Variants in GAB2 observed in about 807,000 individuals in gnomAD.
The protein encoded by GAB2 is GRB2 associated binding protein 2.
In GAB2, 26 loss-of-function variants were observed where a neutral mutation model predicts 65.5. The ratio of observed to expected loss-of-function variants is 0.40; its 90% CI spans 0.29 to 0.55. The LOEUF is 0.55. Ranked by LOEUF, GAB2 falls within the 20% of genes least tolerant of loss-of-function variation. GAB2 has a pLI of 0.53. For missense variants in GAB2, 884 were observed against 875.8 expected (o/e 1.01, Z -0.12); for synonymous variants, 321 against 329.6 (o/e 0.97, Z 0.28).
At chr11:78,246,061 C>T (rs1053141444) in intron 3 of GAB2, among the ~76,000 whole-genome samples, 4 of 151,608 alleles carry the variant, frequency 2.6e-5, no homozygotes, top group Non-Finnish European at 5.9e-5. Context: ...TCCCAAGTAG[C>T]TGGGATTACA....
chr11:78,363,816 G>A (rs1320586311), intron 1 of GAB2, among the ~76,000 whole-genome samples: 1 of 151,922 alleles, frequency 6.6e-6, no homozygotes, highest in Non-Finnish European at 1.5e-5. Flanking sequence ...GAATTTCCAA[G>A]CACAAAATCC....
intron 1 of GAB2, among the ~76,000 whole-genome samples, chr11:78,308,266 A>T (rs1451223147): frequency 6.6e-6 from 1 of 152,154 alleles, no homozygotes; most frequent in Non-Finnish European, 1.5e-5. Context: ...TTTTAAGCAC[A>T]GGACGCATAG....
At chr11:78,372,019 A>G (rs1423747573) in intron 1 of GAB2, among the ~76,000 whole-genome samples, 4 of 152,086 alleles carry the variant, frequency 2.6e-5, no homozygotes, top group Non-Finnish European at 5.9e-5. Context: ...ATAAACTATT[A>G]CTCGTATGGT....
At chr11:78,346,570 T>C (rs1173908582) in intron 1 of GAB2, among the ~76,000 whole-genome samples, 1 of 129,236 alleles carries the variant, frequency 7.7e-6, no homozygotes, top group Non-Finnish European at 1.6e-5. Context: ...TACATCATGC[T>C]GCCTGAGAAG....
chr11:78,400,481 T>C (rs1349913462), intron 1 of GAB2, among the ~76,000 whole-genome samples: 2 of 152,228 alleles, frequency 1.3e-5, no homozygotes, highest in African/African-American at 4.8e-5. Context: ...TATAAACACC[T>C]GTCAAAATTA....
At chr11:78,245,049 A>G (rs1865258631) in intron 3 of GAB2, among the ~76,000 whole-genome samples, 1 of 152,244 alleles carries the variant, frequency 6.6e-6, no homozygotes, top group Non-Finnish European at 1.5e-5. Flanking sequence ...GTGGTCATCA[A>G]CAGATAAATG....
intron 4 of GAB2, 72 bp from the exon 5 acceptor site, chr11:78,225,274 AGTGTG>A: frequency 5.0e-6 from 5 of 1,005,384 alleles, no homozygotes; most frequent in Non-Finnish European, 7.9e-6. Context: ...TACCCTCACC[AGTGTG>A]GTTCAAGGTC....
chr11:78,269,788 AAAG>A (rs892818937), intron 2 of GAB2, among the ~76,000 whole-genome samples: 1 of 152,244 alleles, frequency 6.6e-6, no homozygotes, highest in Non-Finnish European at 1.5e-5. Flanking sequence ...GGGAAGATAT[AAAG>A]AAGAGTTGGT....
intron 9 of GAB2, 77 bp downstream of exon 9, chr11:78,220,242 A>AGG: frequency 1.3e-6 from 2 of 1,519,698 alleles, no homozygotes; most frequent in Non-Finnish European, 1.8e-6. Context: ...TCAGTGTTGA[A>AGG]GGCACCCTGG....
At chr11:78,277,763 T>C (rs1293477425) in intron 2 of GAB2, among the ~76,000 whole-genome samples, 5 of 152,208 alleles carry the variant, frequency 3.3e-5, no homozygotes. Context: ...CCTGGAAGCA[T>C]GCCAATATAT....
intron 2 of GAB2, among the ~76,000 whole-genome samples, chr11:78,265,715 A>G (rs1319299518): frequency 6.6e-6 from 1 of 152,156 alleles, no homozygotes; most frequent in Admixed American, 6.6e-5. Flanking sequence ...TGTACTTTAT[A>G]CCATGTTAAA....
rs1328834306 is a variant in GAB2, at chr11:78,219,155, T to A, written c.*117A>T. ...CCCTGATGTCAAGTGCTTTGAAGGC[T>A]GAGACTGGCAGAGTAGAGAGGAGGT... On this transcript the variant is annotated 3_prime_UTR_variant, in exon 10 of 10. Coordinates refer to ENST00000361507, the MANE Select transcript of GAB2 (RefSeq NM_080491.3). The A allele has an allele frequency of 1.0e-6, 1 of 995,444 alleles. No homozygotes were observed. The highest frequency in any genetic ancestry group is 1.5e-6 in the Non-Finnish European group (1 of 667,306). The allele number at this position is 995,444 out of a possible 1,614,324, so 61.7% of individuals were successfully genotyped here.
At chr11:78,243,335 G>A (rs1167113004) in intron 3 of GAB2, among the ~76,000 whole-genome samples, 1 of 152,128 alleles carries the variant, frequency 6.6e-6, no homozygotes, top group Non-Finnish European at 1.5e-5. Flanking sequence ...AGGAGTGGTG[G>A]TGGGCGCCTG....
At chr11:78,259,418 G>A (rs1364884078) in intron 2 of GAB2, among the ~76,000 whole-genome samples, 2 of 152,186 alleles carry the variant, frequency 1.3e-5, no homozygotes, top group Non-Finnish European at 2.9e-5. Flanking sequence ...GGATTCTAAG[G>A]AGTGTGTGGT....
At chr11:78,251,005 T>C (rs1865439594) in intron 2 of GAB2, among the ~76,000 whole-genome samples, 1 of 151,964 alleles carries the variant, frequency 6.6e-6, no homozygotes, top group African/African-American at 2.4e-5. Flanking sequence ...TGGGGTACAA[T>C]GCTATTTGGG....
At chr11:78,235,031 C>T (rs1458323837) in intron 3 of GAB2, among the ~76,000 whole-genome samples, 1 of 152,036 alleles carries the variant, frequency 6.6e-6, no homozygotes, top group Non-Finnish European at 1.5e-5. Flanking sequence ...CCGGGAGGGG[C>T]TGCCATGAAG....
intron 3 of GAB2, among the ~76,000 whole-genome samples, chr11:78,247,447 A>T (rs757486553): frequency 3.9e-5 from 6 of 152,166 alleles, no homozygotes; most frequent in Admixed American, 6.5e-5. Context: ...TAATTATTTT[A>T]AAGTCTTGTA....
At chr11:78,272,010 C>T (rs575051659) in intron 2 of GAB2, among the ~76,000 whole-genome samples, 302 of 152,362 alleles carry the variant, frequency 2.0e-3, no homozygotes, top group African/African-American at 6.9e-3. Context: ...CTGCCATCCA[C>T]GTAAGACATG....
chr11:78,290,634 A>C (rs1866638285), intron 1 of GAB2, among the ~76,000 whole-genome samples: 1 of 152,146 alleles, frequency 6.6e-6, no homozygotes. Flanking sequence ...GGCCCGTGAA[A>C]GTTTATCACA....
Sources: gnomAD v4.1 joint callset for allele counts (sites outside exome capture counted in the v4.1 genomes callset) on GRCh38, gnomAD v4.1.1 for gene constraint, MANE v1.5 for transcripts, NCBI Gene and HGNC (gene_info 2026-07-23, HGNC 2026-07-21) for gene names.